Variants in SART3 observed in about 807,000 individuals in gnomAD.
The protein encoded by SART3 is spliceosome associated factor 3, U4/U6 recycling protein.
SART3 carries 44 observed loss-of-function variants against 122.3 expected under a neutral mutation model. The observed-to-expected ratio is 0.36, with a 90% confidence interval of 0.28 to 0.46. SART3 has a LOEUF of 0.46. Ranked by LOEUF, SART3 falls within the 20% of genes least tolerant of loss-of-function variation. The pLI is 1.00. For missense variants in SART3, 1,101 were observed against 1,229.0 expected, an observed-to-expected ratio of 0.90 and a Z score of 1.56; for synonymous variants, 442 against 454.0, an observed-to-expected ratio of 0.97 and a Z score of 0.34.
At chr12:108,550,788 G>C (rs1487013410) in intron 1 of SART3, among the ~76,000 whole-genome samples, 1 of 152,140 alleles carries the variant, frequency 6.6e-6, no homozygotes, top group Non-Finnish European at 1.5e-5. Flanking sequence ...CTTGAACCCG[G>C]GAGGCGGAGG....
In SART3 at chr12:108,560,957, A is replaced by T. The variant is rs776038802; in HGVS notation, c.198T>A (p.Asp66Glu). 1.9e-6 allele frequency: 3 copies of T among 1,613,808 alleles called. No individual in the cohort carries two copies. The highest frequency in any genetic ancestry group is 2.5e-6 in the Non-Finnish European group (3 of 1,179,976). Residue 66 changes from aspartate (D) to glutamate (E), a missense_variant, in exon 1 of 19, where the codon GAT becomes GAA. Around this residue, in one of 2 missense-constraint regions of SART3, gnomAD observed 216 missense variants for 148.9 expected, o/e 1.45. Transcript: ENST00000546815. Reference protein sequence around the residue: ...DQQEEGVSESDGDEYAMASSA... With the variant: ...DQQEEGVSESEGDEYAMASSA... ...AGGAAGCCATGGCGTACTCATCCCCATCGCTCTCGCTCACGCCTTCCTCCT... is the reference window on the plus strand; with the variant it reads ...AGGAAGCCATGGCGTACTCATCCCCTTCGCTCTCGCTCACGCCTTCCTCCT...
At chr12:108,540,560 A>G (rs922895892) in intron 6 of SART3, among the ~76,000 whole-genome samples, 2 of 129,146 alleles carry the variant, frequency 1.5e-5, no homozygotes, top group African/African-American at 2.6e-5. Flanking sequence ...TCCAGGTTCA[A>G]TGCAATTCCA....
chr12:108,558,168 A>T (rs1452170450), intron 1 of SART3, among the ~76,000 whole-genome samples: 1 of 152,168 alleles, frequency 6.6e-6, no homozygotes, highest in Non-Finnish European at 1.5e-5. Context: ...CTCTCAAAAA[A>T]AAAAATTAAT....
chr12:108,533,579 T>G (rs895383149), intron 12 of SART3, among the ~76,000 whole-genome samples: 2 of 152,226 alleles, frequency 1.3e-5, no homozygotes, highest in African/African-American at 4.8e-5. Flanking sequence ...ACCACTGACA[T>G]TATTTGTTGC....
Position 108,536,732 on chromosome 12 carries a change from A to G in SART3, c.1363T>C (p.Tyr455His), listed in dbSNP as rs758334519. 5.0e-6 allele frequency: 8 copies of G among 1,613,742 alleles called. No individual in the cohort carries two copies. The Admixed American group carries it at 6.7e-5, about 13-fold the overall frequency. ...CGCTCTTCCACCTCCTGCTTCAGAT[A>G]CTCCAAGGCACGAGTAAAGGCGGCC... is the stretch of plus-strand genomic sequence containing the variant. ...LRAAFTRALE[Y>H]LKQEVEERFN... Residue 455 changes from tyrosine (Y) to histidine (H), a missense_variant, in exon 10 of 19, where the codon TAT becomes CAT. Tyr to His is a moderately conservative substitution (Grantham distance 83). Transcript: ENST00000546815.
At position 108,523,351 on chromosome 12, in the gene SART3, G is replaced by A. The variant is rs983677857; in HGVS notation, c.*106C>T. 1.1e-5 allele frequency: 13 copies of A among 1,206,944 alleles called. No individual in the cohort carries two copies. Among genetic ancestry groups the A allele is most frequent in the African/African-American group, 7.5e-5 (5 of 66,902 alleles). 74.8% of individuals were successfully genotyped at this position (1,206,944 alleles called of 1,614,324 possible). On this transcript the variant is annotated 3_prime_UTR_variant, in exon 19 of 19. Coordinates refer to ENST00000546815, the MANE Select transcript of SART3 (RefSeq NM_014706.4). ...AAGCCGAGGAGCCATCTGTGGTTGC[G>A]AGCACGCAGCACACCAGGCCTGTCC...
chr12:108,537,319 C>T (rs771456169), intron 9 of SART3, 169 bp downstream of exon 9: 15 of 638,620 alleles, frequency 2.3e-5, no homozygotes, highest in African/African-American at 3.6e-5. Context: ...CAATCCACAT[C>T]ATGACTTGTT....
chr12:108,547,056 G>C (rs1056947290), intron 3 of SART3, among the ~76,000 whole-genome samples: 1 of 152,194 alleles, frequency 6.6e-6, no homozygotes. Context: ...CCGACCTCAA[G>C]TGATCCACCA....
Position 108,537,602 on chromosome 12 carries a change from T to C in SART3, c.1202-7A>G. ...AAAGCTTTCTCGAAGGTTACTGGAGTTGGAGAAAAGTCAGGATTTGTTACC... is the reference window on the plus strand; with the variant it reads ...AAAGCTTTCTCGAAGGTTACTGGAGCTGGAGAAAAGTCAGGATTTGTTACC... On this transcript the variant is annotated splice_region_variant and splice_polypyrimidine_tract_variant and intron_variant, in intron 8 of 18. Transcript: ENST00000546815. 6.2e-7 allele frequency: 1 copy of C among 1,611,866 alleles called. No individual in the cohort carries two copies. The highest frequency in any genetic ancestry group is 2.2e-5 in the East Asian group (1 of 44,860).
At chr12:108,534,036 G>C (rs540183795) in intron 12 of SART3, among the ~76,000 whole-genome samples, 2 of 152,150 alleles carry the variant, frequency 1.3e-5, no homozygotes, top group African/African-American at 2.4e-5. Context: ...TGAGAATTTA[G>C]CTGTCTTCTC....
chr12:108,527,396 T>G (rs1872432737), intron 15 of SART3, among the ~76,000 whole-genome samples: 1 of 152,246 alleles, frequency 6.6e-6, no homozygotes, highest in Non-Finnish European at 1.5e-5. Context: ...CCCTTCTCGC[T>G]GCCACAGTCA....
chr12:108,559,092 C>A (rs980512687), intron 1 of SART3, among the ~76,000 whole-genome samples: 17 of 143,944 alleles, frequency 1.2e-4, no homozygotes, highest in African/African-American at 3.8e-4. Flanking sequence ...CCAACCCCAA[C>A]AGGTTCCTCT....
chr12:108,545,429 G>C, intron 3 of SART3, 106 bp from the exon 4 acceptor site: 1 of 1,030,294 alleles, frequency 9.7e-7, no homozygotes. Context: ...TCAGACAGCA[G>C]CACTAAATGA....
chr12:108,532,647 C>T, intron 12 of SART3: 1 of 366,118 alleles, frequency 2.7e-6, no homozygotes, highest in Admixed American at 3.8e-5. Flanking sequence ...GGGAGTCCAA[C>T]AGCTCTCTGT....
intron 12 of SART3, among the ~76,000 whole-genome samples, chr12:108,532,958 TG>T (rs1409981727): frequency 6.6e-6 from 1 of 152,210 alleles, no homozygotes; most frequent in African/African-American, 2.4e-5. Flanking sequence ...TTCACCAGGT[TG>T]GCAAGGCTGG....
chr12:108,524,878 G>C (rs980615878), intron 17 of SART3: 1 of 353,726 alleles, frequency 2.8e-6, no homozygotes, highest in Non-Finnish European at 5.3e-6. Context: ...GTGAGCCCTC[G>C]TGTTTCTGTG....
In SART3 at chr12:108,538,990, C is replaced by T. The variant is rs749640007; in HGVS notation, c.1006G>A (p.Ala336Thr). 8.1e-6 allele frequency: 13 copies of T among 1,614,156 alleles called. No individual in the cohort carries two copies. Among genetic ancestry groups the T allele is most frequent in the Non-Finnish European group, 1.0e-5 (12 of 1,180,034 alleles). The change falls in exon 7 of 19, where the codon GCC becomes ACC. Residue 336 changes from alanine (A) to threonine (T), a missense_variant. Ala to Thr is a moderately conservative substitution (Grantham distance 58, BLOSUM62 0). Transcript: ENST00000546815. ...PARIQLIFERALVENCLVPDL... is the reference protein window; with the variant it reads ...PARIQLIFERTLVENCLVPDL... The stretch of plus-strand genomic sequence containing the variant: ...GGGACAAGGCAGTTCTCGACCAGGG[C>T]GCGCTCAAAGATCAACTGAATGCGA...
chr12:108,546,684 G>A (rs1007955543), intron 3 of SART3, among the ~76,000 whole-genome samples: 8 of 151,818 alleles, frequency 5.3e-5, no homozygotes, highest in African/African-American at 9.7e-5. Context: ...CACCCCGCCC[G>A]GCTAATTGTA....
chr12:108,536,611 G>A (rs745871725), intron 10 of SART3, 39 bp from the exon 11 acceptor site: 155 of 1,612,224 alleles, frequency 9.6e-5, no homozygotes, highest in Middle Eastern at 8.3e-4. Context: ...AAGGAACTTG[G>A]AGACAGATAG....
Sources: allele counts gnomAD v4.1 joint callset (sites outside exome capture counted in the v4.1 genomes callset), GRCh38; gene constraint gnomAD v4.1.1; regional missense constraint gnomAD v4.1.1; transcripts MANE v1.5; gene names NCBI Gene and HGNC (gene_info 2026-07-23, HGNC 2026-07-21).